Variants in NME8 observed in about 807,000 individuals in gnomAD.
NME8 encodes protein NME8.
In NME8, 72 loss-of-function variants were observed where a neutral mutation model predicts 82.3. That is an observed-to-expected ratio of 0.87 (90% CI 0.72 to 1.06). The LOEUF (loss-of-function observed/expected upper bound fraction) is 1.06, where lower values mean the gene tolerates loss of function less well. Among genes scored for constraint, NME8 ranks in the 50% least tolerant of loss-of-function variants. The pLI, the probability that NME8 is intolerant of heterozygous loss-of-function variation, is 0.00. For synonymous variants in NME8, 267 were observed against 228.5 expected (o/e 1.17, Z -1.52); for missense variants, 712 against 685.4 (o/e 1.04, Z -0.43).
intron 12 of NME8, among the ~76,000 whole-genome samples, chr7:37,880,299 CTG>C (rs1448247739): frequency 2.6e-5 from 4 of 152,152 alleles, no homozygotes; most frequent in African/African-American, 7.2e-5. Flanking sequence ...AGATTTTCTT[CTG>C]TGTTATTCTC....
At chr7:37,863,119 CAAAAAAAATTT>C (rs1051726076) in intron 7 of NME8, among the ~76,000 whole-genome samples, 4 of 151,530 alleles carry the variant, frequency 2.6e-5, no homozygotes, top group Non-Finnish European at 5.9e-5. Context: ...GACTCCTACT[CAAAAAAAATTT>C]AAAAAAAATT....
intron 11 of NME8, 107 bp downstream of exon 11, chr7:37,868,005 A>G (rs1784714883): frequency 5.6e-6 from 5 of 886,388 alleles, no homozygotes; most frequent in African/African-American, 1.7e-5. Flanking sequence ...TGTTAAAGGC[A>G]TAAGTATTTC....
At chr7:37,850,498 T>C (rs1784423613) in intron 4 of NME8, 63 bp downstream of exon 4, 2 of 1,586,322 alleles carry the variant, frequency 1.3e-6, no homozygotes, top group Admixed American at 1.7e-5. Flanking sequence ...CCTGGCACCC[T>C]GTCCCTCTAG....
chr7:37,889,425 G>A, intron 15 of NME8, among the ~76,000 whole-genome samples: 1 of 150,572 alleles, frequency 6.6e-6, no homozygotes, highest in Admixed American at 6.6e-5. Flanking sequence ...CTAGCTTTTT[G>A]AGTTGAATAT....
At chr7:37,859,596 G>A (rs1784568641) in intron 6 of NME8, among the ~76,000 whole-genome samples, 1 of 152,112 alleles carries the variant, frequency 6.6e-6, no homozygotes, top group Non-Finnish European at 1.5e-5. Flanking sequence ...GCTATTACTA[G>A]AGGTCTGTTT....
chr7:37,880,205 T>G (rs948363893), intron 12 of NME8, among the ~76,000 whole-genome samples: 2 of 152,226 alleles, frequency 1.3e-5, no homozygotes, highest in African/African-American at 4.8e-5. Context: ...TATTTTTAAT[T>G]TAGTCCAGCT....
chr7:37,877,319 C>G (rs1320084870), intron 12 of NME8, among the ~76,000 whole-genome samples: 1 of 152,258 alleles, frequency 6.6e-6, no homozygotes. Flanking sequence ...TCTACCATAA[C>G]TGATAGTGTG....
chr7:37,887,127 T>C (rs1322634348), intron 14 of NME8, among the ~76,000 whole-genome samples: 1 of 152,058 alleles, frequency 6.6e-6, no homozygotes, highest in Non-Finnish European at 1.5e-5. Flanking sequence ...GAAAAACAGA[T>C]AAAAAGGACA....
chr7:37,876,721 T>G, intron 11 of NME8, 111 bp from the exon 12 acceptor site: 1 of 766,088 alleles, frequency 1.3e-6, no homozygotes, highest in Non-Finnish European at 2.2e-6. Context: ...GACATTTAAT[T>G]TTTGTTTTAT....
intron 12 of NME8, among the ~76,000 whole-genome samples, chr7:37,880,763 TATGA>T (rs1300434329): frequency 2.0e-5 from 3 of 152,022 alleles, no homozygotes; most frequent in Non-Finnish European, 4.4e-5. Flanking sequence ...TCTTGTTATC[TATGA>T]ATATGGAATA....
rs1324271200 is a variant in NME8, at chr7:37,888,302, A to C, written c.1273A>C (p.Ser425Arg). 1.2e-6 allele frequency: 2 copies of C among 1,613,550 alleles called. No individual in the cohort carries two copies. The highest frequency in any genetic ancestry group is 1.3e-5 in the African/African-American group (1 of 74,892). Residue 425 changes from serine to arginine, a missense_variant, in exon 15 of 18, where the codon AGT becomes CGT. Ser to Arg is a moderately radical substitution (Grantham distance 110). Transcript: ENST00000199447. ...TTTATGTGCACAGTTTGCGATGGACAGTTTGCCGGTCAACCAGTTGTATGG... is the reference window on the plus strand; with the variant it reads ...TTTATGTGCACAGTTTGCGATGGACCGTTTGCCGGTCAACCAGTTGTATGG... The part of the protein sequence containing the change: ...ESLCAQFAMD[S>R]LPVNQLYGSD...
At chr7:37,882,195 A>G (rs1784956405) in intron 12 of NME8, among the ~76,000 whole-genome samples, 1 of 152,220 alleles carries the variant, frequency 6.6e-6, no homozygotes, top group Non-Finnish European at 1.5e-5. Flanking sequence ...GAAGTAAGGT[A>G]TCAAGGTGTG....
intron 12 of NME8, among the ~76,000 whole-genome samples, chr7:37,878,013 C>T (rs369854649): frequency 5.9e-5 from 9 of 152,236 alleles, no homozygotes; most frequent in South Asian, 2.1e-4. Context: ...TCCTGTATGA[C>T]GCTGAATTGG....
chr7:37,853,524 A>T (rs1784466015), intron 5 of NME8, among the ~76,000 whole-genome samples: 1 of 152,218 alleles, frequency 6.6e-6, no homozygotes, highest in African/African-American at 2.4e-5. Flanking sequence ...TGACAGATGG[A>T]TCACAGGGAA....
chr7:37,894,506 G>A lies in NME8; in HGVS notation c.1440G>A (p.Leu480=). The A allele has an allele frequency of 6.2e-7, 1 of 1,613,114 alleles. No individual in the cohort carries two copies. The highest frequency in any genetic ancestry group is 8.5e-7 in the Non-Finnish European group (1 of 1,179,354). ...TAGTTAAGGAGGCTGGATTTGATCT[G>A]ACACAGGTGAAGAAAATGTTCCTAA... ...LKIVKEAGFD[L]TQVKKMFLTP... is the part of the protein sequence containing the mutation. The change falls in exon 16 of 18, where the codon CTG becomes CTA. Residue 480 remains leucine (L), a synonymous_variant. Transcript: ENST00000199447.
At chr7:37,856,768 T>C (rs1055950974) in intron 5 of NME8, among the ~76,000 whole-genome samples, 1 of 152,168 alleles carries the variant, frequency 6.6e-6, no homozygotes, top group African/African-American at 2.4e-5. Context: ...GCCCTATGAC[T>C]GACAGAGGGA....
chr7:37,895,115 T>G (rs1263296993), intron 16 of NME8, among the ~76,000 whole-genome samples: 1 of 152,192 alleles, frequency 6.6e-6, no homozygotes, highest in East Asian at 1.9e-4. Context: ...ATGACAGATA[T>G]TAAACACTTG....
intron 12 of NME8, 98 bp from the exon 13 acceptor site, chr7:37,884,205 A>T (rs1394215600): frequency 2.3e-6 from 2 of 861,304 alleles, no homozygotes; most frequent in Non-Finnish European, 3.8e-6. Flanking sequence ...GTATGAGAAT[A>T]AAGTGCATTG....
intron 11 of NME8, among the ~76,000 whole-genome samples, chr7:37,869,683 T>C (rs1414708300): frequency 6.6e-6 from 1 of 152,158 alleles, no homozygotes; most frequent in Non-Finnish European, 1.5e-5. Flanking sequence ...TCTGGCACAG[T>C]CTACAGTATT....
Sources: gnomAD v4.1 joint callset for allele counts (sites outside exome capture counted in the v4.1 genomes callset) on GRCh38, gnomAD v4.1.1 for gene constraint, MANE v1.5 for transcripts, NCBI Gene and HGNC (gene_info 2026-07-23, HGNC 2026-07-21) for gene names.